Variants in SHANK1 observed in about 807,000 individuals in gnomAD.
The protein encoded by SHANK1 is SH3 and multiple ankyrin repeat domains protein 1.
In SHANK1, 35 loss-of-function variants were observed where a neutral mutation model predicts 165.6. The ratio of observed to expected loss-of-function variants is 0.21; its 90% confidence interval spans 0.16 to 0.28. SHANK1 has a LOEUF of 0.28. SHANK1 is among the 10% of genes least tolerant of loss of function. The pLI, the probability that SHANK1 is intolerant of heterozygous loss-of-function variation, is 1.00. For missense variants in SHANK1, 2,681 were observed against 3,036.4 expected (o/e 0.88, Z 2.75); for synonymous variants, 1,428 against 1,384.8 (o/e 1.03, Z -0.69).
Position 50,660,367 on chromosome 19 carries a change from A to T in SHANK1, c.*1598T>A, listed in dbSNP as rs74415543. Among the ~76,000 whole-genome samples the T allele has an allele frequency of 0.023, 3,433 of 152,058 alleles. 108 individuals carry two copies. The highest frequency in any genetic ancestry group is 0.085 in the East Asian group (436 of 5,144). ...AGACAGAAGAGGGAGGATGTGAGGAAGGGTGAGGGCTGGAGGCAGGGAGAG... is the reference window on the plus strand; with the variant it reads ...AGACAGAAGAGGGAGGATGTGAGGATGGGTGAGGGCTGGAGGCAGGGAGAG... On this transcript the variant is annotated 3_prime_UTR_variant, in exon 24 of 24. Transcript: ENST00000293441.
chr19:50,693,453 C>T (rs1986608378), intron 15 of SHANK1, among the ~76,000 whole-genome samples: 1 of 151,616 alleles, frequency 6.6e-6, no homozygotes, highest in African/African-American at 2.4e-5. Context: ...CCTGCAGGAG[C>T]CCACACAATG....
At position 50,703,551 on chromosome 19, in the gene SHANK1, G is replaced by A. The variant is rs1415278407; in HGVS notation, c.1502C>T (p.Ser501Phe). The change falls in exon 11 of 24, where the codon TCC becomes TTC. Residue 501 changes from serine (S) to phenylalanine (F), a missense_variant. Coordinates refer to ENST00000293441, the MANE Select transcript of SHANK1 (RefSeq NM_016148.5). ...SPRGARARSP[S>F]RGRHPEDAKR... Reference sequence around the variant, plus strand: ...GGCGTCCTCAGGGTGCCTCCCTCGGGATGGAGAGCGGGCCCTGGCACCCCG... The same window carrying A: ...GGCGTCCTCAGGGTGCCTCCCTCGGAATGGAGAGCGGGCCCTGGCACCCCG... 4 of 1,553,184 alleles carry A rather than the reference G, an allele frequency of 2.6e-6. No homozygotes were observed. Among genetic ancestry groups the A allele is most frequent in the Non-Finnish European group, 3.5e-6 (4 of 1,154,382 alleles).
At chr19:50,719,139 G>C (rs955393834) in intron 1 of SHANK1, among the ~76,000 whole-genome samples, 4 of 151,156 alleles carry the variant, frequency 2.6e-5, no homozygotes, top group African/African-American at 9.7e-5. Flanking sequence ...AGAGCCGGGA[G>C]GCGGGTTCGG....
rs370107244 is a variant in SHANK1 at position 50,688,990 on chromosome 19, C to A, written c.2048-22G>T. 7.8e-7 allele frequency: 1 copy of A among 1,280,048 alleles called. No homozygotes were observed. Among genetic ancestry groups the A allele is most frequent in the Non-Finnish European group, 1.1e-6 (1 of 934,114 alleles). The allele number at this position is 1,280,048 out of a possible 1,614,324, so 79.3% of individuals were successfully genotyped here. A position where few individuals can be genotyped will look rare whatever the true frequency, so the allele number is the denominator to read the frequency against. ...TGCGCTGCAGACAGGGAGGAGCCGG[C>A]GGGGTCGGAGGGGAGGGGGTGGAGA... On this transcript the variant is annotated intron_variant, in intron 16 of 23. Coordinates refer to ENST00000293441, the MANE Select transcript of SHANK1 (RefSeq NM_016148.5). This position sits in a 1 kb window ranked among gnomAD's most constrained non-coding sequence, Gnocchi z 6.7.
chr19:50,714,359 C>T (rs2089045508), intron 4 of SHANK1, 69 bp from the exon 5 acceptor site: 4 of 1,304,688 alleles, frequency 3.1e-6, no homozygotes, highest in Non-Finnish European at 4.4e-6. Context: ...GGTCCTCAAG[C>T]AGCGACGTCC....
At chr19:50,704,029 C>T in intron 10 of SHANK1, 91 bp downstream of exon 10, 2 of 1,344,200 alleles carry the variant, frequency 1.5e-6, no homozygotes, top group Non-Finnish European at 2.1e-6. Context: ...CCTATCCTGG[C>T]CCCCAAGTCA....
Position 50,662,604 on chromosome 19 carries a change from C to G in SHANK1, c.5847G>C (p.Leu1949=), listed in dbSNP as rs1599835315. The G allele has an allele frequency of 6.4e-7, 1 of 1,564,360 alleles. No homozygotes were observed. The highest frequency in any genetic ancestry group is 8.7e-7 in the Non-Finnish European group (1 of 1,154,466). The part of the protein sequence containing the change: ...SLFQNWPKPP[L]PPLPTGTGVS... ...CCCCTGTTCCGGTGGGGAGTGGCGG[C>G]AGAGGTGGTTTGGGCCAGTTCTGAA... Residue 1949 remains leucine (L), a synonymous_variant, in exon 24 of 24, where the codon CTG becomes CTC. Transcript: ENST00000293441. This position sits in a 1 kb window ranked among gnomAD's most constrained non-coding sequence, Gnocchi z 7.7.
Position 50,718,392 on chromosome 19 carries a change from A to AC in SHANK1, c.-44+1013dup, listed in dbSNP as rs2089093079. Among the ~76,000 whole-genome samples, 1 of 151,490 alleles carries AC rather than the reference A, an allele frequency of 6.6e-6. No homozygotes were observed. The highest frequency in any genetic ancestry group is 6.6e-5 in the Admixed American group (1 of 15,244). On this transcript the variant is annotated intron_variant, in intron 1 of 23. Transcript: ENST00000293441. This position sits in a 1 kb window ranked among gnomAD's most constrained non-coding sequence, Gnocchi z 5.1. Reference sequence around the variant, plus strand: ...ACTCCCCCTCGGCTGACCCTGGCTGACCCCCAGCCTCAACCCCGCTCGGAG... The same window carrying AC: ...ACTCCCCCTCGGCTGACCCTGGCTGACCCCCCAGCCTCAACCCCGCTCGGAG...
In SHANK1 at chr19:50,662,465, G is replaced by A. The variant is rs1391997547; in HGVS notation, c.5986C>T (p.Arg1996Cys). 9 of 1,548,402 alleles carry A rather than the reference G, an allele frequency of 5.8e-6. No homozygotes were observed. The highest frequency in any genetic ancestry group is 2.4e-5 in the East Asian group (1 of 42,312). The change falls in exon 24 of 24, where the codon CGC becomes TGC. Residue 1996 changes from arginine (R) to cysteine (C), a missense_variant. This residue lies in a region of SHANK1 where 1,713 missense variants were observed against 1,630.2 expected (regional missense o/e 1.05). Transcript: ENST00000293441. The surrounding 1 kb of genome is among the most constrained non-coding windows in gnomAD (Gnocchi z 7.7). ...VEFEMRPPLL[R>C]RAPSPSLLPA... Reference sequence around the variant, plus strand: ...AGCAGCGAGGGGCTGGGGGCCCGGCGGAGCAGAGGGGGCCGCATCTCGAAC... The same window carrying A: ...AGCAGCGAGGGGCTGGGGGCCCGGCAGAGCAGAGGGGGCCGCATCTCGAAC...
rs1288888109 is a variant in SHANK1, at chr19:50,660,147, C to T, written c.*1818G>A. Among the ~76,000 whole-genome samples the T allele has an allele frequency of 6.6e-6, 1 of 151,428 alleles. No homozygotes were observed. The highest frequency in any genetic ancestry group is 2.4e-5 in the African/African-American group (1 of 41,212). On this transcript the variant is annotated 3_prime_UTR_variant, in exon 24 of 24. Transcript: ENST00000293441. Reference sequence around the variant, plus strand: ...GGGGGGACCTGAGGGCAACGCCCTCCCCCCTTTACCCACAGCAGGGGAGGG... The same window carrying T: ...GGGGGGACCTGAGGGCAACGCCCTCTCCCCTTTACCCACAGCAGGGGAGGG...
At chr19:50,708,822 A>G (rs1050437803) in intron 8 of SHANK1, among the ~76,000 whole-genome samples, 5 of 152,204 alleles carry the variant, frequency 3.3e-5, no homozygotes, top group Non-Finnish European at 7.3e-5. Context: ...AGATGGAACT[A>G]GGCCTGCTGT....
In SHANK1 at chr19:50,666,894, T is replaced by C; in HGVS notation, c.5066A>G (p.Glu1689Gly). 6.3e-7 allele frequency: 1 copy of C among 1,594,496 alleles called. No homozygotes were observed. The highest frequency in any genetic ancestry group is 8.5e-7 in the Non-Finnish European group (1 of 1,172,292). ...CAGCGTGGAGGCGCTGCTGATGGTC[T>C]CCAGTGGGTGGTCACTGCTGCTCCG... ...DSRSSSDHPL[E>G]TISSASTLSS... The change falls in exon 23 of 24, where the codon GAG (glutamate) becomes GGG (glycine). Residue 1689 changes from glutamate to glycine, a missense_variant. Glu to Gly is a moderately conservative substitution (Grantham distance 98, BLOSUM62 -2). This residue lies in a region of SHANK1 where 1,713 missense variants were observed against 1,630.2 expected (regional missense o/e 1.05). Coordinates refer to ENST00000293441, the MANE Select transcript of SHANK1 (RefSeq NM_016148.5).
At chr19:50,663,190 A>G (rs1985338481) in intron 23 of SHANK1, 2 of 164,968 alleles carry the variant, frequency 1.2e-5, no homozygotes, top group Non-Finnish European at 2.7e-5. Context: ...GGTTATGGCC[A>G]GTCGTAGCAG....
chr19:50,714,254 C>T lies in SHANK1; in HGVS notation c.568G>A (p.Gly190Arg). 2 of 1,614,136 alleles carry T rather than the reference C, an allele frequency of 1.2e-6. No homozygotes were observed. The highest frequency in any genetic ancestry group is 1.7e-6 in the Non-Finnish European group (2 of 1,180,030). The change falls in exon 5 of 24, where the codon GGG (glycine) becomes AGG (arginine). Residue 190 changes from glycine (G) to arginine (R), a missense_variant. Gly to Arg is a moderately radical substitution (Grantham distance 125). Around this residue, in one of 10 missense-constraint regions of SHANK1, gnomAD observed 189 missense variants for 440.9 expected, o/e 0.43. Transcript: ENST00000293441. Reference sequence around the variant, plus strand: ...AGCCGCGCCACCTTGTCAGATGTCCCGAGCTGCACATACTCCAGGAACTTC... The same window carrying T: ...AGCCGCGCCACCTTGTCAGATGTCCTGAGCTGCACATACTCCAGGAACTTC... ...LKKFLEYVQL[G>R]TSDKVARLLD...
In SHANK1 at chr19:50,667,301, C is replaced by G. The variant is rs1351878013; in HGVS notation, c.4659G>C (p.Ser1553=). The G allele has an allele frequency of 1.3e-6, 2 of 1,593,092 alleles. No individual in the cohort carries two copies. Among genetic ancestry groups the G allele is most frequent in the Non-Finnish European group, 1.7e-6 (2 of 1,176,336 alleles). ...GGAATTCGCCATCTTCCACATCCAC[C>G]GAGGGGGCGGGAGGCGGCAGGACCA... The part of the protein sequence containing the change: ...PLLVLPPPAP[S]VDVEDGEFLF... Residue 1553 remains serine (S), a synonymous_variant, in exon 23 of 24, where the codon TCG becomes TCC. Coordinates refer to ENST00000293441, the MANE Select transcript of SHANK1 (RefSeq NM_016148.5). This position sits in a 1 kb window ranked among gnomAD's most constrained non-coding sequence, Gnocchi z 5.7.
chr19:50,676,421 A>G (rs1385913012), intron 21 of SHANK1, among the ~76,000 whole-genome samples: 1 of 152,184 alleles, frequency 6.6e-6, no homozygotes, highest in Non-Finnish European at 1.5e-5. Flanking sequence ...TGTTCCAGGC[A>G]GGTGGAACAG....
intron 8 of SHANK1, among the ~76,000 whole-genome samples, chr19:50,709,175 A>G (rs564275857): frequency 9.2e-5 from 14 of 152,180 alleles, no homozygotes; most frequent in Non-Finnish European, 1.3e-4. Context: ...GTCTCGCTCT[A>G]TCACCCAGGC....
In SHANK1 at chr19:50,712,163, C is replaced by T. The variant is rs757298774; in HGVS notation, c.793-49G>A. ...TAGAAAAACACAGATGACAGTCACACATTAACCAGCTCATTCTGAAGGGCC... is the reference window on the plus strand; with the variant it reads ...TAGAAAAACACAGATGACAGTCACATATTAACCAGCTCATTCTGAAGGGCC... On this transcript the variant is annotated intron_variant, in intron 6 of 23. Coordinates refer to ENST00000293441, the MANE Select transcript of SHANK1 (RefSeq NM_016148.5). 2.6e-6 allele frequency: 4 copies of T among 1,531,062 alleles called. No homozygotes were observed. In the East Asian group the frequency reaches 6.8e-5, roughly 26 times the overall value. The allele number at this position is 1,531,062 out of a possible 1,614,324, so 94.8% of individuals were successfully genotyped here. A position where few individuals can be genotyped will look rare whatever the true frequency, so the allele number is the denominator to read the frequency against.
Position 50,711,998 on chromosome 19 carries a change from G to A in SHANK1, c.909C>T (p.Asn303=). Reference sequence around the variant, plus strand: ...CATCAGCTATGCCCAGCTGGGCCCTGTTGAACAGGAGCAGCTCGCAGCATC... The same window carrying A: ...CATCAGCTATGCCCAGCTGGGCCCTATTGAACAGGAGCAGCTCGCAGCATC... The part of the protein sequence containing the change: ...DPRCCELLLF[N]RAQLGIADEN... Residue 303 remains asparagine (N), a synonymous_variant, in exon 7 of 24, where the codon AAC becomes AAT. Transcript: ENST00000293441. 1 of 1,614,092 alleles carries A rather than the reference G, an allele frequency of 6.2e-7. No individual in the cohort carries two copies. Among genetic ancestry groups the A allele is most frequent in the African/African-American group, 1.3e-5 (1 of 75,076 alleles).
Sources: allele counts gnomAD v4.1 joint callset (sites outside exome capture counted in the v4.1 genomes callset), GRCh38; gene constraint gnomAD v4.1.1; regional missense constraint gnomAD v4.1.1; non-coding constraint Gnocchi (gnomAD v3.1); transcripts MANE v1.5; gene names NCBI Gene and HGNC (gene_info 2026-07-23, HGNC 2026-07-21).